ADGRL3: variants seen among roughly 807,000 people sequenced by gnomAD.
The protein encoded by ADGRL3 is adhesion G protein-coupled receptor L3.
ADGRL3 carries 62 observed loss-of-function variants against 153.5 expected under a neutral mutation model. That is an observed-to-expected ratio of 0.40 (90% CI 0.33 to 0.50). The LOEUF (loss-of-function observed/expected upper bound fraction) is 0.50, where lower values mean the gene tolerates loss of function less well. ADGRL3 is among the 20% of genes least tolerant of loss of function. The probability of loss-of-function intolerance (pLI) is 0.47; values close to 1 mark genes in which losing one functional copy is unlikely to be tolerated. For synonymous variants in ADGRL3, 710 were observed against 672.5 expected (o/e 1.06, Z -0.86); for missense variants, 1,641 against 1,859.4 (o/e 0.88, Z 2.16).
At chr4:61,720,324 G>A (rs1028077912) in intron 6 of ADGRL3, among the ~76,000 whole-genome samples, 1 of 151,814 alleles carries the variant, frequency 6.6e-6, no homozygotes, top group Non-Finnish European at 1.5e-5. Context: ...TCCCGACCTC[G>A]TGATCCACAC....
chr4:62,023,648 C>T (rs766818128), intron 21 of ADGRL3, among the ~76,000 whole-genome samples: 1 of 152,114 alleles, frequency 6.6e-6, no homozygotes, highest in Non-Finnish European at 1.5e-5. Context: ...CTTTTAACAT[C>T]CAGACAAGTC....
intron 5 of ADGRL3, among the ~76,000 whole-genome samples, chr4:61,659,337 T>C (rs1437649230): frequency 2.0e-5 from 3 of 152,280 alleles, no homozygotes; most frequent in South Asian, 4.1e-4. Flanking sequence ...TATTTTCGTA[T>C]CATCCGTGCA....
chr4:61,672,750 G>A (rs2095050841), intron 5 of ADGRL3, among the ~76,000 whole-genome samples: 2 of 151,938 alleles, frequency 1.3e-5, no homozygotes, highest in African/African-American at 4.8e-5. Flanking sequence ...TAGCCATTAT[G>A]GAAAACAGTA....
intron 1 of ADGRL3, among the ~76,000 whole-genome samples, chr4:61,332,424 A>G (rs1431513399): frequency 6.6e-6 from 1 of 152,128 alleles, no homozygotes; most frequent in Non-Finnish European, 1.5e-5. Context: ...GTTTTAGCAC[A>G]TTTATTTGTA....
chr4:61,996,838 A>C (rs1302836290), intron 20 of ADGRL3, among the ~76,000 whole-genome samples: 1 of 152,192 alleles, frequency 6.6e-6, no homozygotes, highest in African/African-American at 2.4e-5. Flanking sequence ...AGAATGGCAC[A>C]ATCACATTAA....
At chr4:61,611,902 G>A (rs2091404389) in intron 5 of ADGRL3, among the ~76,000 whole-genome samples, 1 of 152,068 alleles carries the variant, frequency 6.6e-6, no homozygotes, top group East Asian at 1.9e-4. Context: ...CTAGGTGACA[G>A]AGTAAGATCG....
chr4:61,867,538 A>ATATATATATATATATATATATATATC (rs2098409545), intron 9 of ADGRL3, among the ~76,000 whole-genome samples: 1 of 139,220 alleles, frequency 7.2e-6, no homozygotes, highest in Non-Finnish European at 1.6e-5. Flanking sequence ...ATATATATAT[A>ATATATATATATATATATATATATATC]TAATTGTAGG....
intron 19 of ADGRL3, among the ~76,000 whole-genome samples, chr4:61,986,989 G>A (rs938709794): frequency 6.6e-6 from 1 of 152,074 alleles, no homozygotes; most frequent in Non-Finnish European, 1.5e-5. Context: ...AGACATCACA[G>A]TGAAAATATG....
intron 2 of ADGRL3, among the ~76,000 whole-genome samples, chr4:61,412,822 A>G (rs760571283): frequency 6.6e-6 from 1 of 152,040 alleles, no homozygotes; most frequent in Non-Finnish European, 1.5e-5. Flanking sequence ...ATTTGTTTTC[A>G]TGCATTTTTG....
chr4:61,988,707 C>T (rs1179798079), intron 19 of ADGRL3, among the ~76,000 whole-genome samples: 1 of 152,044 alleles, frequency 6.6e-6, no homozygotes, highest in Admixed American at 6.5e-5. Context: ...GACTCAGTCT[C>T]ATGTATGAAA....
chr4:61,551,422 G>A (rs892281458), intron 4 of ADGRL3, among the ~76,000 whole-genome samples: 4 of 152,042 alleles, frequency 2.6e-5, no homozygotes, highest in African/African-American at 9.7e-5. Context: ...TGTTAAAAAA[G>A]TGTTTTGATT....
intron 2 of ADGRL3, among the ~76,000 whole-genome samples, chr4:61,430,297 G>T (rs1455343052): frequency 1.3e-5 from 2 of 152,142 alleles, no homozygotes; most frequent in Non-Finnish European, 2.9e-5. Context: ...TGATGAGATG[G>T]CTTTGCAGGT....
chr4:61,871,430 G>A (rs1208829644), intron 9 of ADGRL3, among the ~76,000 whole-genome samples: 1 of 152,152 alleles, frequency 6.6e-6, no homozygotes, highest in Non-Finnish European at 1.5e-5. Flanking sequence ...GAATCTCATT[G>A]TGCGATCAAA....
chr4:61,465,012 T>C (rs1197939888), intron 2 of ADGRL3, among the ~76,000 whole-genome samples: 1 of 152,170 alleles, frequency 6.6e-6, no homozygotes, highest in Non-Finnish European at 1.5e-5. Context: ...TGATAAATTG[T>C]TTTGCTCAGG....
chr4:61,484,185 C>G (rs903243170), intron 2 of ADGRL3, among the ~76,000 whole-genome samples: 7 of 151,934 alleles, frequency 4.6e-5, no homozygotes, highest in African/African-American at 1.5e-4. Flanking sequence ...TAATGCTGCT[C>G]CAGTTCAATT....
rs1317360274 is a variant in ADGRL3, at chr4:61,808,863, AT to A, written c.1400-4941del. Among the ~76,000 whole-genome samples, 41 of 151,114 alleles carry A rather than the reference AT, an allele frequency of 2.7e-4. No homozygotes were observed. In the East Asian group the frequency reaches 7.6e-3, roughly 28 times the overall value. ...AAAACTTAGAAAAATTCCACATGGC[AT>A]TTTTAAATGTAGTATGGTGTGGGTT... is the stretch of plus-strand genomic sequence containing the variant. On this transcript the variant is annotated intron_variant, in intron 8 of 26. Coordinates refer to ENST00000683033, the MANE Select transcript of ADGRL3 (RefSeq NM_001387552.1).
chr4:61,632,480 C>T (rs192047509), intron 5 of ADGRL3, among the ~76,000 whole-genome samples: 2 of 152,068 alleles, frequency 1.3e-5, no homozygotes, highest in African/African-American at 2.4e-5. Context: ...TTTTCTTCCC[C>T]TGCCTGGAAG....
chr4:61,291,202 A>ACG (rs1267697063), intron 1 of ADGRL3, among the ~76,000 whole-genome samples: 4 of 113,382 alleles, frequency 3.5e-5, no homozygotes, highest in African/African-American at 6.6e-5. Context: ...ACACACACAC[A>ACG]CACACACACA....
chr4:61,704,199 A>G (rs1010496062), intron 6 of ADGRL3, among the ~76,000 whole-genome samples: 1 of 152,200 alleles, frequency 6.6e-6, no homozygotes, highest in African/African-American at 2.4e-5. Context: ...GAAAAAATGT[A>G]TCAGAGTCTC....
Sources: allele counts gnomAD v4.1 joint callset (sites outside exome capture counted in the v4.1 genomes callset), GRCh38; gene constraint gnomAD v4.1.1; transcripts MANE v1.5; gene names NCBI Gene and HGNC (gene_info 2026-07-23, HGNC 2026-07-21).